Variants in SEMA3D observed in about 807,000 individuals in gnomAD.
SEMA3D encodes the protein semaphorin-3D.
SEMA3D carries 84 observed loss-of-function variants against 100.1 expected under a neutral mutation model. That is an observed-to-expected ratio of 0.84 (90% confidence interval 0.70 to 1.01). The LOEUF (loss-of-function observed/expected upper bound fraction) is 1.01, where lower values mean the gene tolerates loss of function less well. Among genes scored for constraint, SEMA3D ranks in the 50% least tolerant of loss-of-function variants. The pLI is 0.00. For synonymous variants in SEMA3D, 312 were observed against 320.7 expected (o/e 0.97, Z 0.29); for missense variants, 875 against 934.1 (o/e 0.94, Z 0.82).
At chr7:85,085,012 A>G (rs1334300744) in intron 4 of SEMA3D, among the ~76,000 whole-genome samples, 3 of 152,146 alleles carry the variant, frequency 2.0e-5, no homozygotes, top group African/African-American at 7.2e-5. Context: ...CATAGTGTAC[A>G]TGTACCACAT....
At chr7:85,008,869 A>G (rs1013422712) in intron 17 of SEMA3D, among the ~76,000 whole-genome samples, 1 of 151,818 alleles carries the variant, frequency 6.6e-6, no homozygotes, top group Non-Finnish European at 1.5e-5. Flanking sequence ...GTACAATAAT[A>G]TTAAAAATAC....
chr7:85,135,061 G>A (rs902637947), intron 2 of SEMA3D, among the ~76,000 whole-genome samples: 1 of 151,336 alleles, frequency 6.6e-6, no homozygotes, highest in Non-Finnish European at 1.5e-5. Context: ...TGTAGAGAAG[G>A]GCCACGAGAT....
Position 85,111,211 on chromosome 7 carries a change from T to G in SEMA3D, c.151+10530A>C, listed in dbSNP as rs1160874280. Among the ~76,000 whole-genome samples the G allele has an allele frequency of 2.0e-5, 3 of 152,040 alleles. No homozygotes were observed. The South Asian group carries it at 6.2e-4, about 31-fold the overall frequency. On this transcript the variant is annotated intron_variant, in intron 3 of 18. Coordinates refer to ENST00000284136, the MANE Select transcript of SEMA3D (RefSeq NM_001384900.1). Reference sequence around the variant, plus strand: ...TCATCCCTTAATTATTTCACAGTCTTGTAGATTTAAAAATTTCTATATGTT... The same window carrying G: ...TCATCCCTTAATTATTTCACAGTCTGGTAGATTTAAAAATTTCTATATGTT...
rs1562806112 is a variant in SEMA3D, at chr7:85,073,109, AAC to A, written c.376-30_376-29del. The A allele has an allele frequency of 3.7e-6, 6 of 1,607,400 alleles. No homozygotes were observed. The South Asian group carries it at 6.7e-5, about 18-fold the overall frequency. ...GTTGGGCACAAAAATTAAAAGCATT[AAC>A]ACACAATTCAGGTTTTTGAAATATT... is the stretch of plus-strand genomic sequence containing the variant. On this transcript the variant is annotated intron_variant, in intron 5 of 18. Transcript: ENST00000284136.
intron 1 of SEMA3D, among the ~76,000 whole-genome samples, chr7:85,155,910 A>C (rs936775623): frequency 6.6e-6 from 1 of 152,056 alleles, no homozygotes; most frequent in Non-Finnish European, 1.5e-5. Context: ...ACACTTACAC[A>C]ATTCCCTTTA....
chr7:85,043,112 C>T (rs1340935707), intron 9 of SEMA3D, among the ~76,000 whole-genome samples: 1 of 152,096 alleles, frequency 6.6e-6, no homozygotes, highest in Non-Finnish European at 1.5e-5. Flanking sequence ...AATCACAGCA[C>T]TTTGGGAGGC....
intron 9 of SEMA3D, among the ~76,000 whole-genome samples, chr7:85,053,736 T>G (rs1791231944): frequency 6.6e-6 from 1 of 152,040 alleles, no homozygotes; most frequent in Admixed American, 6.6e-5. Context: ...ATATGTATAG[T>G]GAGAAATTCT....
chr7:85,222,431 G>T, the SEMA3D span, among the ~76,000 whole-genome samples: 6 of 152,028 alleles, frequency 3.9e-5, no homozygotes, highest in Non-Finnish European at 5.9e-5. Flanking sequence ...GTGTATGTAC[G>T]TAAATATATG....
At chr7:85,064,309 A>T (rs1791554165) in intron 8 of SEMA3D, among the ~76,000 whole-genome samples, 1 of 152,192 alleles carries the variant, frequency 6.6e-6, no homozygotes, top group Middle Eastern at 3.2e-3. Context: ...TTCCACAAAA[A>T]TCTGACAATG....
In SEMA3D at chr7:85,015,081, G is replaced by A; in HGVS notation, c.1681C>T (p.Arg561Ter). Reference sequence around the variant, plus strand: ...TACCTTTTAGAAGTAGGAGCATATCGAGAGCATGCATTTCCATCCCAGGCA... The same window carrying A: ...TACCTTTTAGAAGTAGGAGCATATCAAGAGCATGCATTTCCATCCCAGGCA... Reference protein sequence around the residue: ...YCAWDGNACSRYAPTSKRRAR... With the variant: ...YCAWDGNACS Residue 561 changes from arginine (R) to a stop codon, truncating the protein, a stop_gained, in exon 16 of 19, where the codon CGA becomes TGA. Coordinates refer to ENST00000284136, the MANE Select transcript of SEMA3D (RefSeq NM_001384900.1). LOFTEE classifies it high-confidence loss of function. The A allele has an allele frequency of 2.5e-6, 4 of 1,611,170 alleles. No homozygotes were observed. Among genetic ancestry groups the A allele is most frequent in the Non-Finnish European group, 3.4e-6 (4 of 1,178,174 alleles).
At chr7:85,130,505 G>C (rs1428032118) in intron 2 of SEMA3D, among the ~76,000 whole-genome samples, 1 of 152,000 alleles carries the variant, frequency 6.6e-6, no homozygotes, top group African/African-American at 2.4e-5. Flanking sequence ...GCTCATTGTT[G>C]GGGCCTTCTG....
chr7:85,243,089 G>C, the SEMA3D span, among the ~76,000 whole-genome samples: 14 of 152,164 alleles, frequency 9.2e-5, no homozygotes, highest in Non-Finnish European at 1.8e-4. Flanking sequence ...ACCAAGTGAG[G>C]TGAGACAGAT....
the SEMA3D span, among the ~76,000 whole-genome samples, chr7:85,213,374 T>C: frequency 1.3e-5 from 2 of 152,056 alleles, no homozygotes; most frequent in Non-Finnish European, 2.9e-5. Flanking sequence ...TATTAAAAAG[T>C]ATAGTCTTTT....
intron 6 of SEMA3D, 51 bp from the exon 7 acceptor site, chr7:85,068,335 A>C (rs1791683454): frequency 1.0e-6 from 1 of 978,250 alleles, no homozygotes; most frequent in Admixed American, 1.8e-5. Flanking sequence ...TATTACAAAC[A>C]GTAAGAATGT....
intron 1 of SEMA3D, 107 bp downstream of exon 1, chr7:85,186,571 C>T (rs923197297): frequency 6.6e-6 from 1 of 152,588 alleles, no homozygotes; most frequent in Non-Finnish European, 1.5e-5. Context: ...TGCTCGTCCT[C>T]CACTTCGGAC....
rs143303167 is a variant in SEMA3D at position 85,167,229 on chromosome 7, A to G, written c.-172-13490T>C. The G allele has an allele frequency of 2.5e-4, 238 of 970,794 alleles. 1 individual carries two copies. In the African/African-American group the frequency reaches 3.7e-3, roughly 15 times the overall value. The allele number at this position is 970,794 out of a possible 1,614,324, so 60.1% of individuals were successfully genotyped here. On this transcript the variant is annotated intron_variant, in intron 1 of 18. Transcript: ENST00000284136. Reference sequence around the variant, plus strand: ...AGTTGAAATGTTATAATAGGCTGAAACATTTTGCTTGCAATGCCTCATCTG... The same window carrying G: ...AGTTGAAATGTTATAATAGGCTGAAGCATTTTGCTTGCAATGCCTCATCTG...
intron 1 of SEMA3D, among the ~76,000 whole-genome samples, chr7:85,155,238 G>A (rs564486202): frequency 3.0e-4 from 45 of 151,866 alleles, no homozygotes; most frequent in Non-Finnish European, 6.2e-4. Context: ...ATCCATATAC[G>A]TTACCCCTAA....
chr7:85,219,549 T>C, the SEMA3D span, among the ~76,000 whole-genome samples: 1 of 152,016 alleles, frequency 6.6e-6, no homozygotes, highest in East Asian at 1.9e-4. Context: ...GGAATATATA[T>C]AGTAAAATTA....
the SEMA3D span, among the ~76,000 whole-genome samples, chr7:85,221,801 T>C: frequency 1.3e-5 from 2 of 152,100 alleles, no homozygotes; most frequent in Non-Finnish European, 2.9e-5. Context: ...TTAATAGCAT[T>C]GACTTAAATG....
Sources: gnomAD v4.1 joint callset for allele counts (sites outside exome capture counted in the v4.1 genomes callset) on GRCh38, gnomAD v4.1.1 for gene constraint, MANE v1.5 for transcripts, NCBI Gene and HGNC (gene_info 2026-07-23, HGNC 2026-07-21) for gene names.